SUGCT: variants seen among roughly 807,000 people sequenced by gnomAD.
The protein encoded by SUGCT is succinyl-CoA:glutarate-CoA transferase.
A neutral mutation model predicts 55.0 loss-of-function variants in SUGCT; 41 were observed. The observed-to-expected ratio is 0.74, with a 90% confidence interval of 0.58 to 0.97. The LOEUF (loss-of-function observed/expected upper bound fraction) is 0.97. Ranked by LOEUF, SUGCT falls within the 50% of genes least tolerant of loss-of-function variation. SUGCT has a pLI of 0.00. For synonymous variants in SUGCT, 187 were observed against 200.4 expected, an observed-to-expected ratio of 0.93 and a Z score of 0.56; for missense variants, 568 against 547.8, an observed-to-expected ratio of 1.04 and a Z score of -0.37.
intron 13 of SUGCT, among the ~76,000 whole-genome samples, chr7:40,837,099 A>G (rs1199102065): frequency 6.6e-6 from 1 of 152,182 alleles, no homozygotes; most frequent in Non-Finnish European, 1.5e-5. Flanking sequence ...TCATCAGCAT[A>G]TGGTGCTATC....
chr7:40,496,775 T>TGATTATCTTAAACCTCTGATCATAG (rs1792003684), intron 12 of SUGCT, among the ~76,000 whole-genome samples: 1 of 145,546 alleles, frequency 6.9e-6, no homozygotes, highest in African/African-American at 2.6e-5. Flanking sequence ...TCTGATCATA[T>TGATTATCTTAAACCTCTGATCATAG]GATTATACCT....
rs1792253132 is a variant in SUGCT at position 40,501,011 on chromosome 7, A to G, written c.1089+4625A>G. ...AGTTTCATAGCCCTCAGAGGGTTAT[A>G]CAAGTCAAGCAAAATTATATTCTTG... On this transcript the variant is annotated intron_variant, in intron 12 of 13. Coordinates refer to ENST00000335693, the MANE Select transcript of SUGCT (RefSeq NM_001193313.2). 3.3e-5 allele frequency among the ~76,000 whole-genome samples: 5 copies of G among 152,304 alleles called. No individual in the cohort carries two copies. In the South Asian group the frequency reaches 1.0e-3, roughly 32 times the overall value.
chr7:40,792,762 T>C (rs1228748742), intron 13 of SUGCT, among the ~76,000 whole-genome samples: 1 of 152,110 alleles, frequency 6.6e-6, no homozygotes, highest in Non-Finnish European at 1.5e-5. Context: ...AGTTTGATTT[T>C]GAGTATGTCA....
chr7:40,747,397 G>T lies in SUGCT; in HGVS notation c.1090-2037G>T, dbSNP rs79212966. ...CTCACTAGAAATGAATAAAACCCAA[G>T]AAATTTGAGCTCTCTCTCCGAGTTT... On this transcript the variant is annotated intron_variant, in intron 12 of 13. Coordinates refer to ENST00000335693, the MANE Select transcript of SUGCT (RefSeq NM_001193313.2). Among the ~76,000 whole-genome samples, 237 of 152,262 alleles carry T rather than the reference G, an allele frequency of 1.6e-3. 1 individual carries two copies. Among genetic ancestry groups the T allele is most frequent in the African/African-American group, 5.2e-3 (218 of 41,554 alleles).
At chr7:40,887,962 T>C in the SUGCT span, among the ~76,000 whole-genome samples, 7 of 151,550 alleles carry the variant, frequency 4.6e-5, no homozygotes, top group East Asian at 1.4e-3. Flanking sequence ...GGGCTCACTA[T>C]GGCAGGTGTG....
At chr7:40,712,170 G>A (rs971883792) in intron 12 of SUGCT, among the ~76,000 whole-genome samples, 7 of 152,190 alleles carry the variant, frequency 4.6e-5, no homozygotes, top group Admixed American at 2.0e-4. Context: ...ATAGATCCAT[G>A]TCTGAATATT....
At position 40,860,441 on chromosome 7, in the gene SUGCT, C is replaced by G; in HGVS notation, c.1279C>G (p.Leu427Val). 1 of 1,613,948 alleles carries G rather than the reference C, an allele frequency of 6.2e-7. No homozygotes were observed. Among genetic ancestry groups the G allele is most frequent in the Non-Finnish European group, 8.5e-7 (1 of 1,179,844 alleles). ...CGATGACAGGGCCATCGGGGAGCTG[C>G]TCAGCGCTGGAGTGGTGGACCAACA... ...RYDDRAIGEL[L>V]SAGVVDQHET... The change falls in exon 14 of 14, where the codon CTC becomes GTC. Residue 427 changes from leucine (L) to valine (V), a missense_variant. Physicochemically the swap from Leu to Val is conservative, Grantham distance 32. Transcript: ENST00000335693.
At chr7:40,173,386 G>C (rs1294781813) in intron 1 of SUGCT, among the ~76,000 whole-genome samples, 1 of 152,202 alleles carries the variant, frequency 6.6e-6, no homozygotes, top group Non-Finnish European at 1.5e-5. Flanking sequence ...AGCAGTGGTG[G>C]ACAGCAAGCG....
the SUGCT span, among the ~76,000 whole-genome samples, chr7:40,951,297 G>C: frequency 5.9e-4 from 90 of 152,224 alleles, no homozygotes; most frequent in Middle Eastern, 3.4e-3. Flanking sequence ...TGTAGGATCG[G>C]TGGTGATATC....
At chr7:40,435,379 T>C (rs954226998) in intron 9 of SUGCT, among the ~76,000 whole-genome samples, 5 of 152,150 alleles carry the variant, frequency 3.3e-5, no homozygotes, top group African/African-American at 1.2e-4. Context: ...GCTTGCCTTT[T>C]TCAGTTGGTC....
intron 9 of SUGCT, among the ~76,000 whole-genome samples, chr7:40,356,614 A>T (rs1289538849): frequency 6.6e-6 from 1 of 152,190 alleles, no homozygotes; most frequent in East Asian, 1.9e-4. Context: ...ATAGGCTCTG[A>T]ACACCTTCCT....
chr7:40,805,259 C>G (rs890448013), intron 13 of SUGCT, among the ~76,000 whole-genome samples: 1 of 152,090 alleles, frequency 6.6e-6, no homozygotes, highest in Non-Finnish European at 1.5e-5. Context: ...ACGCCATGCC[C>G]TTTGAGCCTC....
intron 12 of SUGCT, among the ~76,000 whole-genome samples, chr7:40,659,352 C>T (rs1478858881): frequency 2.0e-5 from 3 of 152,134 alleles, no homozygotes; most frequent in Non-Finnish European, 4.4e-5. Context: ...ACTTCCATGG[C>T]TGGCATCCTG....
intron 13 of SUGCT, among the ~76,000 whole-genome samples, chr7:40,803,514 T>G (rs1790927937): frequency 6.6e-6 from 1 of 152,180 alleles, no homozygotes; most frequent in Admixed American, 6.5e-5. Context: ...TCAAATTCCT[T>G]AAGTCTTAAG....
At chr7:40,800,559 T>C (rs1297672728) in intron 13 of SUGCT, among the ~76,000 whole-genome samples, 1 of 152,146 alleles carries the variant, frequency 6.6e-6, no homozygotes, top group Non-Finnish European at 1.5e-5. Context: ...TCCAAAGTAC[T>C]GGGATTACAG....
intron 12 of SUGCT, among the ~76,000 whole-genome samples, chr7:40,665,589 G>A (rs568647572): frequency 2.0e-5 from 3 of 152,136 alleles, no homozygotes; most frequent in Non-Finnish European, 4.4e-5. Flanking sequence ...GAGAACTAAA[G>A]AGAAGTGAAG....
At chr7:40,720,729 CT>C in intron 12 of SUGCT, among the ~76,000 whole-genome samples, 1 of 152,192 alleles carries the variant, frequency 6.6e-6, no homozygotes, top group Non-Finnish European at 1.5e-5. Context: ...CCAGATGCCA[CT>C]CTGTGTCATG....
intron 12 of SUGCT, among the ~76,000 whole-genome samples, chr7:40,712,586 G>A (rs989096427): frequency 1.3e-5 from 2 of 152,204 alleles, no homozygotes; most frequent in African/African-American, 2.4e-5. Flanking sequence ...TACTTGAAAT[G>A]CTGGCCAAAT....
the SUGCT span, among the ~76,000 whole-genome samples, chr7:41,030,496 T>C: frequency 6.6e-6 from 1 of 152,168 alleles, no homozygotes; most frequent in Admixed American, 6.5e-5. Context: ...AATAAGCAAA[T>C]AAACATTCAT....
Sources: gnomAD v4.1 joint callset for allele counts (sites outside exome capture counted in the v4.1 genomes callset) on GRCh38, gnomAD v4.1.1 for gene constraint, MANE v1.5 for transcripts, NCBI Gene and HGNC (gene_info 2026-07-23, HGNC 2026-07-21) for gene names.